Variants in THSD7B observed in about 807,000 individuals in gnomAD.
The protein encoded by THSD7B is thrombospondin type 1 domain containing 7B.
Under a neutral mutation model 213.6 loss-of-function variants are expected in THSD7B, and 138 were observed. The observed-to-expected ratio is 0.65, with a 90% CI of 0.56 to 0.74. The LOEUF (loss-of-function observed/expected upper bound fraction) is 0.74. THSD7B is among the 30% of genes least tolerant of loss of function. The pLI is 0.00. For synonymous variants in THSD7B, 742 were observed against 687.0 expected (o/e 1.08, Z -1.25); for missense variants, 1,931 against 1,991.5 (o/e 0.97, Z 0.58).
chr2:136,835,557 C>T (rs1480283611), intron 1 of THSD7B, among the ~76,000 whole-genome samples: 1 of 152,192 alleles, frequency 6.6e-6, no homozygotes, highest in African/African-American at 2.4e-5. Flanking sequence ...TTAGACTCTT[C>T]AGCAAGCTGA....
chr2:136,865,116 C>T (rs1040476626), intron 1 of THSD7B, among the ~76,000 whole-genome samples: 3 of 152,310 alleles, frequency 2.0e-5, no homozygotes, highest in African/African-American at 7.2e-5. Flanking sequence ...TGGCCAGGTA[C>T]TGTGAATGCT....
At chr2:136,889,066 A>G (rs1683770947) in intron 2 of THSD7B, among the ~76,000 whole-genome samples, 1 of 152,038 alleles carries the variant, frequency 6.6e-6, no homozygotes. Context: ...TATTGAGGAG[A>G]GGATATAAAA....
chr2:136,852,331 A>C (rs1410688447), intron 1 of THSD7B, among the ~76,000 whole-genome samples: 2 of 151,970 alleles, frequency 1.3e-5, no homozygotes, highest in Non-Finnish European at 2.9e-5. Flanking sequence ...AACAAAACAA[A>C]ACAAAACAAA....
intron 5 of THSD7B, among the ~76,000 whole-genome samples, chr2:137,150,754 T>C (rs1447862236): frequency 1.3e-5 from 2 of 152,190 alleles, no homozygotes; most frequent in Admixed American, 1.3e-4. Flanking sequence ...TTGTACATCA[T>C]AGAGTGTACT....
At chr2:137,234,332 G>A (rs1681716075) in intron 9 of THSD7B, among the ~76,000 whole-genome samples, 1 of 152,110 alleles carries the variant, frequency 6.6e-6, no homozygotes, top group African/African-American at 2.4e-5. Flanking sequence ...TTTCATCTGG[G>A]GAACCACGGT....
chr2:137,118,597 G>A (rs992397108), intron 5 of THSD7B, among the ~76,000 whole-genome samples: 1 of 152,074 alleles, frequency 6.6e-6, no homozygotes, highest in African/African-American at 2.4e-5. Flanking sequence ...TCTACTGATA[G>A]CATATTAAAA....
At chr2:137,378,166 A>G (rs1685701057) in intron 12 of THSD7B, among the ~76,000 whole-genome samples, 1 of 152,190 alleles carries the variant, frequency 6.6e-6, no homozygotes, top group South Asian at 2.1e-4. Context: ...CCTGGTTGCG[A>G]TGAAAGCTCC....
chr2:137,537,055 G>T (rs935828071), intron 15 of THSD7B, among the ~76,000 whole-genome samples: 1 of 151,760 alleles, frequency 6.6e-6, no homozygotes, highest in Admixed American at 6.6e-5. Flanking sequence ...ACCAAAATGC[G>T]TGGGTTGTCT....
intron 15 of THSD7B, among the ~76,000 whole-genome samples, chr2:137,516,259 A>T (rs900025115): frequency 6.6e-6 from 1 of 152,196 alleles, no homozygotes; most frequent in Non-Finnish European, 1.5e-5. Flanking sequence ...TAAGCAGAAA[A>T]CTTGCAGGTC....
chr2:137,670,725 T>C lies in THSD7B; in HGVS notation c.4739+2864T>C, dbSNP rs544759736. ...TCACGAGGTCAGGAGATCGAGACCA[T>C]CCTATCTAACACAGTGAAACCCCGT... On this transcript the variant is annotated intron_variant, in intron 27 of 27. Transcript: ENST00000409968. Among the ~76,000 whole-genome samples, 18 of 152,080 alleles carry C rather than the reference T, an allele frequency of 1.2e-4. No individual in the cohort carries two copies. In the South Asian group the frequency reaches 3.5e-3, roughly 30 times the overall value.
At chr2:137,295,563 A>G (rs1209946039) in intron 12 of THSD7B, among the ~76,000 whole-genome samples, 1 of 150,206 alleles carries the variant, frequency 6.7e-6, no homozygotes, top group Non-Finnish European at 1.5e-5. Context: ...GCAACCTCCT[A>G]CTCCCTGGTT....
chr2:136,979,795 A>G (rs1430190558), intron 2 of THSD7B, among the ~76,000 whole-genome samples: 1 of 152,192 alleles, frequency 6.6e-6, no homozygotes. Context: ...GCCTCAGCCC[A>G]GTTCTGTGCC....
At chr2:137,535,946 A>T (rs1219776470) in intron 15 of THSD7B, among the ~76,000 whole-genome samples, 1 of 151,270 alleles carries the variant, frequency 6.6e-6, no homozygotes, top group South Asian at 2.1e-4. Context: ...GCTGGAGTGG[A>T]TAAGGTACAG....
In THSD7B at chr2:137,218,659, G is replaced by A. The variant is rs898476858; in HGVS notation, c.1724-12385G>A. 6.3e-4 allele frequency among the ~76,000 whole-genome samples: 96 copies of A among 152,066 alleles called. 1 individual carries two copies. The highest frequency in any genetic ancestry group is 1.5e-4 in the Non-Finnish European group (10 of 67,970). ...AGAAATCTATACATTCATGATATAT[G>A]CATATCATTAATTTAGGTGTTATTA... On this transcript the variant is annotated intron_variant, in intron 7 of 27. Transcript: ENST00000409968.
At chr2:136,874,041 G>C (rs1683486569) in intron 1 of THSD7B, among the ~76,000 whole-genome samples, 1 of 152,182 alleles carries the variant, frequency 6.6e-6, no homozygotes, top group Non-Finnish European at 1.5e-5. Flanking sequence ...TGACGATTAA[G>C]TGAAATTATT....
chr2:137,484,204 T>C (rs574937627), intron 15 of THSD7B, among the ~76,000 whole-genome samples: 51 of 133,836 alleles, frequency 3.8e-4, no homozygotes, highest in African/African-American at 1.4e-3. Flanking sequence ...CAGAGTGTGA[T>C]GTTCCCCTTC....
chr2:137,480,166 T>A (rs1421937672), intron 15 of THSD7B, among the ~76,000 whole-genome samples: 1 of 152,180 alleles, frequency 6.6e-6, no homozygotes, highest in Non-Finnish European at 1.5e-5. Context: ...ATTCAAAGTG[T>A]GATTATCTAC....
chr2:137,518,277 G>A lies in THSD7B; in HGVS notation c.3139-44944G>A, dbSNP rs529788137. On this transcript the variant is annotated intron_variant, in intron 15 of 27. Transcript: ENST00000409968. ...GTTCACAGATGATCCTGCACCACCC[G>A]AAAGTGGACAGCTGCAGCACTACAG... Among the ~76,000 whole-genome samples the A allele has an allele frequency of 9.9e-5, 15 of 152,266 alleles. No homozygotes were observed. In the East Asian group the frequency reaches 1.7e-3, roughly 18 times the overall value.
intron 1 of THSD7B, among the ~76,000 whole-genome samples, chr2:136,839,214 G>A (rs1379937282): frequency 6.6e-6 from 1 of 152,132 alleles, no homozygotes; most frequent in Non-Finnish European, 1.5e-5. Context: ...TACACTTGAG[G>A]GTATGCACCA....
Sources: gnomAD v4.1 joint callset for allele counts (sites outside exome capture counted in the v4.1 genomes callset) on GRCh38, gnomAD v4.1.1 for gene constraint, MANE v1.5 for transcripts, NCBI Gene and HGNC (gene_info 2026-07-23, HGNC 2026-07-21) for gene names.